Variants in IFNL1 observed in about 807,000 individuals in gnomAD.
The protein encoded by IFNL1 is interferon lambda 1.
In IFNL1, 16 loss-of-function variants were observed where a neutral mutation model predicts 17.1. The ratio of observed to expected loss-of-function variants is 0.93; its 90% confidence interval spans 0.63 to 1.42. IFNL1 has a LOEUF of 1.42. IFNL1 is among the 40% of genes most tolerant of loss of function. The pLI is 0.00. For missense variants in IFNL1, 262 were observed against 249.4 expected, an observed-to-expected ratio of 1.05 and a Z score of -0.34; for synonymous variants, 104 against 111.4, an observed-to-expected ratio of 0.93 and a Z score of 0.42.
At chr19:39,296,615 G>A (rs2075099951) in intron 1 of IFNL1, 23 bp downstream of exon 1, 4 of 1,601,886 alleles carry the variant, frequency 2.5e-6, no homozygotes, top group Admixed American at 1.7e-5. Flanking sequence ...TGCTGTGGAT[G>A]AACCACTTCT....
chr19:39,298,266 G>T lies in IFNL1; in HGVS notation c.447G>T (p.Trp149Cys). ...GPRPRGRLHH[W>C]LHRLQEAPKK... Reference sequence around the variant, plus strand: ...GGCCCCGGGGCCGCCTCCACCACTGGCTGCACCGGCTCCAGGAGGCCCCCA... The same window carrying T: ...GGCCCCGGGGCCGCCTCCACCACTGTCTGCACCGGCTCCAGGAGGCCCCCA... Residue 149 changes from tryptophan to cysteine, a missense_variant, in exon 4 of 5, where the codon TGG becomes TGT. Trp to Cys is a radical substitution (Grantham distance 215). Transcript: ENST00000333625. The T allele has an allele frequency of 6.2e-7, 1 of 1,614,120 alleles. No individual in the cohort carries two copies. The highest frequency in any genetic ancestry group is 8.5e-7 in the Non-Finnish European group (1 of 1,179,998).
intron 2 of IFNL1, 49 bp downstream of exon 2, chr19:39,296,931 C>T (rs762169918): frequency 5.6e-6 from 8 of 1,436,494 alleles, no homozygotes; most frequent in South Asian, 4.6e-5. Context: ...CCCTCTCCCC[C>T]CTCTTCTTAA....
At position 39,298,393 on chromosome 19, in the gene IFNL1, G is replaced by A. The variant is rs974210203; in HGVS notation, c.480G>A (p.Glu160=). ...LHRLQEAPKK[E]SAGCLEASVT... The stretch of plus-strand genomic sequence containing the variant: ...ACCCATCCCCTCCTCCCCTACAGGA[G>A]TCCGCTGGCTGCCTGGAGGCATCTG... Residue 160 remains glutamate (E), a splice_region_variant and synonymous_variant, in exon 5 of 5, where the codon GAG becomes GAA. Coordinates refer to ENST00000333625, the MANE Select transcript of IFNL1 (RefSeq NM_172140.2). 1.9e-6 allele frequency: 3 copies of A among 1,614,216 alleles called. No homozygotes were observed. The highest frequency in any genetic ancestry group is 2.5e-6 in the Non-Finnish European group (3 of 1,180,036).
rs2075101076 is a variant in IFNL1 at position 39,296,899 on chromosome 19, G to A, written c.249+17G>A. The A allele has an allele frequency of 1.9e-6, 3 of 1,604,122 alleles. No individual in the cohort carries two copies. The highest frequency in any genetic ancestry group is 1.7e-4 in the Middle Eastern group (1 of 6,042). Reference sequence around the variant, plus strand: ...CTTCTCCAGGTGAGCTGAAAGTCAGGCCCCCTTCACCCTTCCCTTGACCCT... The same window carrying A: ...CTTCTCCAGGTGAGCTGAAAGTCAGACCCCCTTCACCCTTCCCTTGACCCT... On this transcript the variant is annotated intron_variant, in intron 2 of 4. Transcript: ENST00000333625.
Position 39,296,513 on chromosome 19 carries a change from G to A in IFNL1, c.92G>A (p.Gly31Glu), listed in dbSNP as rs201193440. 584 of 1,613,756 alleles carry A rather than the reference G, an allele frequency of 3.6e-4. 1 individual carries two copies. Among genetic ancestry groups the A allele is most frequent in the Non-Finnish European group, 4.4e-4 (521 of 1,180,006 alleles). ...CCCACTTCCAAGCCCACCACAACTG[G>A]GAAGGGCTGCCACATTGGCAGGTTC... ...PVPTSKPTTT[G>E]KGCHIGRFKS... is the part of the protein sequence containing the mutation. The change falls in exon 1 of 5, where the codon GGG (glycine) becomes GAG (glutamate). Residue 31 changes from glycine (G) to glutamate (E), a missense_variant. Physicochemically the swap from Gly to Glu is moderately conservative, Grantham distance 98. Transcript: ENST00000333625.
chr19:39,297,867 C>A, intron 2 of IFNL1, 97 bp from the exon 3 acceptor site: 2 of 1,474,846 alleles, frequency 1.4e-6, no homozygotes, highest in South Asian at 1.2e-5. Flanking sequence ...ACCACATGCA[C>A]TGTGTCACCG....
chr19:39,297,946 T>C lies in IFNL1; in HGVS notation c.250-18T>C, dbSNP rs1253581032. 6.2e-7 allele frequency: 1 copy of C among 1,614,006 alleles called. No homozygotes were observed. Among genetic ancestry groups the C allele is most frequent in the Non-Finnish European group, 8.5e-7 (1 of 1,179,948 alleles). Reference sequence around the variant, plus strand: ...CTTGCCTGTTCTCCCTCACCTGCTCTTTCTCACCTCTCCTCAGGTGAGGGA... The same window carrying C: ...CTTGCCTGTTCTCCCTCACCTGCTCCTTCTCACCTCTCCTCAGGTGAGGGA... On this transcript the variant is annotated intron_variant, in intron 2 of 4. Transcript: ENST00000333625.
At chr19:39,297,482 C>A (rs926018450) in intron 2 of IFNL1, among the ~76,000 whole-genome samples, 1 of 151,990 alleles carries the variant, frequency 6.6e-6, no homozygotes, top group Non-Finnish European at 1.5e-5. Context: ...TGATGCCCAG[C>A]TAATTTTTGT....
In IFNL1 at chr19:39,298,281, G is replaced by A; in HGVS notation, c.462G>A (p.Gln154=). ...GRLHHWLHRL[Q]EAPKKESAGC... ...TCCACCACTGGCTGCACCGGCTCCA[G>A]GAGGCCCCCAAAAAGGTGAGTGACC... is the stretch of plus-strand genomic sequence containing the variant. Residue 154 remains glutamine, a synonymous_variant, in exon 4 of 5, where the codon CAG becomes CAA. Transcript: ENST00000333625. 1.2e-6 allele frequency: 2 copies of A among 1,614,166 alleles called. No homozygotes were observed. Among genetic ancestry groups the A allele is most frequent in the Non-Finnish European group, 8.5e-7 (1 of 1,180,016 alleles).
chr19:39,296,990 C>T (rs1025077078), intron 2 of IFNL1, 108 bp downstream of exon 2: 21 of 761,596 alleles, frequency 2.8e-5, no homozygotes, highest in Non-Finnish European at 4.7e-5. Flanking sequence ...TCTCTTGGAC[C>T]TCTCCTCACC....
intron 2 of IFNL1, among the ~76,000 whole-genome samples, 175 bp downstream of exon 2, chr19:39,297,057 T>C (rs1264240858): frequency 6.6e-6 from 1 of 151,988 alleles, no homozygotes; most frequent in East Asian, 1.9e-4. Flanking sequence ...TTCCCCTGGG[T>C]CCCTTTTATC....
intron 4 of IFNL1, 22 bp from the exon 5 acceptor site, chr19:39,298,369 C>G: frequency 6.2e-7 from 1 of 1,614,206 alleles, no homozygotes; most frequent in Non-Finnish European, 8.5e-7. Flanking sequence ...CAGCCCCTGA[C>G]CCATCCCCTC....
In IFNL1 at chr19:39,296,886, A is replaced by G. The variant is rs1408151338; in HGVS notation, c.249+4A>G. The G allele has an allele frequency of 6.2e-7, 1 of 1,611,948 alleles. No individual in the cohort carries two copies. Among genetic ancestry groups the G allele is most frequent in the East Asian group, 2.2e-5 (1 of 44,874 alleles). On this transcript the variant is annotated splice_donor_region_variant and intron_variant, in intron 2 of 4. Coordinates refer to ENST00000333625, the MANE Select transcript of IFNL1 (RefSeq NM_172140.2). ...TTGGGACCTGAGGCTTCTCCAGGTGAGCTGAAAGTCAGGCCCCCTTCACCC... is the reference window on the plus strand; with the variant it reads ...TTGGGACCTGAGGCTTCTCCAGGTGGGCTGAAAGTCAGGCCCCCTTCACCC...
Position 39,296,508 on chromosome 19 carries a change from A to T in IFNL1, c.87A>T (p.Thr29=). ...CTGTCCCCACTTCCAAGCCCACCAC[A>T]ACTGGGAAGGGCTGCCACATTGGCA... ...AGPVPTSKPT[T]TGKGCHIGRF... Residue 29 remains threonine (T), a synonymous_variant, in exon 1 of 5, where the codon ACA becomes ACT. Coordinates refer to ENST00000333625, the MANE Select transcript of IFNL1 (RefSeq NM_172140.2). The T allele has an allele frequency of 6.2e-7, 1 of 1,613,690 alleles. No homozygotes were observed. The highest frequency in any genetic ancestry group is 1.7e-5 in the Admixed American group (1 of 59,968).
chr19:39,296,939 T>A, intron 2 of IFNL1, 57 bp downstream of exon 2: 1 of 1,321,306 alleles, frequency 7.6e-7, no homozygotes, highest in Non-Finnish European at 1.1e-6. Context: ...CCCCTCTTCT[T>A]AAGTGGCCCC....
rs763487084 is a variant in IFNL1 at position 39,298,448 on chromosome 19, C to G, written c.535C>G (p.Arg179Gly). ...CTTCAACCTCTTCCGCCTCCTCACG[C>G]GAGACCTCAAATATGTGGCCGATGG... is the stretch of plus-strand genomic sequence containing the variant. ...VTFNLFRLLT[R>G]DLKYVADGNL... The change falls in exon 5 of 5, where the codon CGA becomes GGA. Residue 179 changes from arginine to glycine, a missense_variant. Coordinates refer to ENST00000333625, the MANE Select transcript of IFNL1 (RefSeq NM_172140.2). The G allele has an allele frequency of 3.7e-6, 6 of 1,614,192 alleles. No homozygotes were observed. The Admixed American group carries it at 6.7e-5, about 18-fold the overall frequency.
At chr19:39,297,123 C>T (rs1371678494) in intron 2 of IFNL1, among the ~76,000 whole-genome samples, 1 of 151,952 alleles carries the variant, frequency 6.6e-6, no homozygotes, top group East Asian at 1.9e-4. Context: ...CACTTCCACT[C>T]TCACTCTTCA....
chr19:39,296,597 G>C lies in IFNL1; in HGVS notation c.171+5G>C. ...AAGAAGGCCAGGGACGCCTTGGTGA[G>C]TTCCTGTTGCTGTGGATGAACCACT... On this transcript the variant is annotated splice_donor_5th_base_variant and intron_variant, in intron 1 of 4. Transcript: ENST00000333625. 1 of 1,608,364 alleles carries C rather than the reference G, an allele frequency of 6.2e-7. No homozygotes were observed. The highest frequency in any genetic ancestry group is 8.5e-7 in the Non-Finnish European group (1 of 1,177,636).
chr19:39,297,954 C>T lies in IFNL1; in HGVS notation c.250-10C>T. On this transcript the variant is annotated splice_polypyrimidine_tract_variant and intron_variant, in intron 2 of 4. Coordinates refer to ENST00000333625, the MANE Select transcript of IFNL1 (RefSeq NM_172140.2). ...TTCTCCCTCACCTGCTCTTTCTCAC[C>T]TCTCCTCAGGTGAGGGAGCGCCCTG... 6.2e-7 allele frequency: 1 copy of T among 1,614,102 alleles called. No homozygotes were observed. The highest frequency in any genetic ancestry group is 1.6e-4 in the Middle Eastern group (1 of 6,062).
Sources: allele counts gnomAD v4.1 joint callset (sites outside exome capture counted in the v4.1 genomes callset), GRCh38; gene constraint gnomAD v4.1.1; transcripts MANE v1.5; gene names NCBI Gene and HGNC (gene_info 2026-07-23, HGNC 2026-07-21).